Variants in OR4K2 observed in about 807,000 individuals in gnomAD.
OR4K2 encodes olfactory receptor 4K2.
In OR4K2, 8 loss-of-function variants were observed where a neutral mutation model predicts 10.5. The observed-to-expected ratio is 0.76, with a 90% confidence interval of 0.45 to 1.37. The LOEUF is 1.37. OR4K2 is among the 40% of genes most tolerant of loss of function. The pLI is 0.00. For missense variants in OR4K2, 547 were observed against 379.5 expected, an observed-to-expected ratio of 1.44 and a Z score of -3.67; for synonymous variants, 178 against 133.6, an observed-to-expected ratio of 1.33 and a Z score of -2.29.
chr14:19,883,487 C>G lies in OR4K2; in HGVS notation c.*6275C>G, dbSNP rs1037750741. 5.9e-5 allele frequency: 9 copies of G among 152,234 alleles called. No individual in the cohort carries two copies. The highest frequency in any genetic ancestry group is 2.2e-4 in the African/African-American group (9 of 41,448). The allele number at this position is 152,234 out of a possible 1,614,324, so 9.4% of individuals were successfully genotyped here. ...GAAATAATGACTCTCTTTGTAAGCA[C>G]TTTGTCTGGAGTCTGCAAAGCCTGT... On this transcript the variant is annotated 3_prime_UTR_variant, in exon 2 of 2. Coordinates refer to ENST00000641885, the MANE Select transcript of OR4K2 (RefSeq NM_001005501.2).
Position 19,877,148 on chromosome 14 carries a change from T to C in OR4K2, c.881T>C (p.Val294Ala). The change falls in exon 2 of 2, where the codon GTA (valine) becomes GCA (alanine). Residue 294 changes from valine (V) to alanine (A), a missense_variant. Physicochemically the swap from Val to Ala is moderately conservative, Grantham distance 64 (BLOSUM62 0). Transcript: ENST00000641885. ...PIIYTLRNQEVKIAMRKLKNR... is the reference protein window; with the variant it reads ...PIIYTLRNQEAKIAMRKLKNR... ...ATCTATACTTTGAGGAATCAAGAAG[T>C]AAAGATAGCCATGAGGAAACTGAAA... 5 of 1,603,538 alleles carry C rather than the reference T, an allele frequency of 3.1e-6. No individual in the cohort carries two copies. Among genetic ancestry groups the C allele is most frequent in the Non-Finnish European group, 4.2e-6 (5 of 1,179,598 alleles).
chr14:19,878,139 G>C lies in OR4K2; in HGVS notation c.*927G>C, dbSNP rs1399247752. 4 of 152,194 alleles carry C rather than the reference G, an allele frequency of 2.6e-5. No individual in the cohort carries two copies. The highest frequency in any genetic ancestry group is 7.2e-5 in the African/African-American group (3 of 41,458). The allele number at this position is 152,194 out of a possible 1,614,324, so 9.4% of individuals were successfully genotyped here. On this transcript the variant is annotated 3_prime_UTR_variant, in exon 2 of 2. Transcript: ENST00000641885. ...AATACATTGTCAATGTAATAAGTAT[G>C]TTTTTGTACACAAATAGGTTTTATT...
rs958172857 is a variant in OR4K2 at position 19,878,833 on chromosome 14, A to G, written c.*1621A>G. 3.3e-5 allele frequency: 5 copies of G among 152,242 alleles called. No individual in the cohort carries two copies. Among genetic ancestry groups the G allele is most frequent in the Non-Finnish European group, 5.9e-5 (4 of 68,034 alleles). The allele number at this position is 152,242 out of a possible 1,614,324, so 9.4% of individuals were successfully genotyped here. ...TGTGAACTTTCTCTTGGTTGCAGTTATATGTACAAATATGTTCATATTCAA... is the reference window on the plus strand; with the variant it reads ...TGTGAACTTTCTCTTGGTTGCAGTTGTATGTACAAATATGTTCATATTCAA... On this transcript the variant is annotated 3_prime_UTR_variant, in exon 2 of 2. Coordinates refer to ENST00000641885, the MANE Select transcript of OR4K2 (RefSeq NM_001005501.2).
rs1011186843 is a variant in OR4K2 at position 19,883,741 on chromosome 14, C to T, written c.*6529C>T. 2.6e-5 allele frequency: 4 copies of T among 152,178 alleles called. No homozygotes were observed. Among genetic ancestry groups the T allele is most frequent in the African/African-American group, 9.6e-5 (4 of 41,454 alleles). The allele number at this position is 152,178 out of a possible 1,614,324, so 9.4% of individuals were successfully genotyped here. The stretch of plus-strand genomic sequence containing the variant: ...TAAAATGTACCTAAATAAAATTGTT[C>T]TTCAAGAGTAACATGTAATTGAATC... On this transcript the variant is annotated 3_prime_UTR_variant, in exon 2 of 2. Coordinates refer to ENST00000641885, the MANE Select transcript of OR4K2 (RefSeq NM_001005501.2).
rs985391403 is a variant in OR4K2 at position 19,883,348 on chromosome 14, A to C, written c.*6136A>C. ...TTATTCTCTACTATATTCCTCAGGA[A>C]GTCTTCTTGAAGACCCTATTCTCTG... is the stretch of plus-strand genomic sequence containing the variant. On this transcript the variant is annotated 3_prime_UTR_variant, in exon 2 of 2. Coordinates refer to ENST00000641885, the MANE Select transcript of OR4K2 (RefSeq NM_001005501.2). The C allele has an allele frequency of 6.6e-6, 1 of 152,302 alleles. No individual in the cohort carries two copies. The highest frequency in any genetic ancestry group is 2.4e-5 in the African/African-American group (1 of 41,474). 9.4% of individuals were successfully genotyped at this position (152,302 alleles called of 1,614,324 possible). A position where few individuals can be genotyped will look rare whatever the true frequency, so the allele number is the denominator to read the frequency against.
At position 19,876,835 on chromosome 14, in the gene OR4K2, G is replaced by A; in HGVS notation, c.568G>A (p.Val190Met). The change falls in exon 2 of 2, where the codon GTG becomes ATG. Residue 190 changes from valine to methionine, a missense_variant. Coordinates refer to ENST00000641885, the MANE Select transcript of OR4K2 (RefSeq NM_001005501.2). ...TCCTGTGGTGTTCCAGTTGGCTTGT[G>A]TGGATACTTATGTTCTGGGCCTCTT... is the stretch of plus-strand genomic sequence containing the variant. The part of the protein sequence containing the change: ...DLPVVFQLAC[V>M]DTYVLGLFMI... 1.9e-6 allele frequency: 3 copies of A among 1,614,190 alleles called. No individual in the cohort carries two copies. The highest frequency in any genetic ancestry group is 2.2e-5 in the South Asian group (2 of 91,080).
Position 19,876,353 on chromosome 14 carries a change from T to C in OR4K2, c.86T>C (p.Met29Thr), listed in dbSNP as rs1047892238. 11 of 1,614,004 alleles carry C rather than the reference T, an allele frequency of 6.8e-6. No homozygotes were observed. Among genetic ancestry groups the C allele is most frequent in the Non-Finnish European group, 7.6e-6 (9 of 1,179,986 alleles). ...TGGGAACTACAGATGTTTTTCTTTA[T>C]GGTGTTTTCATTGCTTTATGTGGCA... is the stretch of plus-strand genomic sequence containing the variant. ...NSWELQMFFF[M>T]VFSLLYVATM... The change falls in exon 2 of 2, where the codon ATG becomes ACG. Residue 29 changes from methionine (M) to threonine (T), a missense_variant. By Grantham distance (81) the Met-to-Thr change is moderately conservative. Transcript: ENST00000641885.
In OR4K2 at chr14:19,881,817, G is replaced by A. The variant is rs1431687358; in HGVS notation, c.*4605G>A. The A allele has an allele frequency of 6.6e-6, 1 of 151,434 alleles. No homozygotes were observed. The highest frequency in any genetic ancestry group is 1.9e-4 in the East Asian group (1 of 5,184). 9.4% of individuals were successfully genotyped at this position (151,434 alleles called of 1,614,324 possible). On this transcript the variant is annotated 3_prime_UTR_variant, in exon 2 of 2. Transcript: ENST00000641885. ...CCTGTTAAAGAAAATTTAAAGGAGA[G>A]ATTTTTTTTTTTAGTTTGAGACTAG...
In OR4K2 at chr14:19,880,298, C is replaced by G. The variant is rs1323259670; in HGVS notation, c.*3086C>G. ...CTACTACTAGTGGTGTAAACTTAAG[C>G]TAAGTACTTAATACCTCTTAGCCTC... is the stretch of plus-strand genomic sequence containing the variant. On this transcript the variant is annotated 3_prime_UTR_variant, in exon 2 of 2. Transcript: ENST00000641885. 1 of 151,986 alleles carries G rather than the reference C, an allele frequency of 6.6e-6. No individual in the cohort carries two copies. Among genetic ancestry groups the G allele is most frequent in the African/African-American group, 2.4e-5 (1 of 41,334 alleles). 9.4% of individuals were successfully genotyped at this position (151,986 alleles called of 1,614,324 possible).
rs201801295 is a variant in OR4K2 at position 19,877,204 on chromosome 14, C to T, written c.937C>T (p.Pro313Ser). 37 of 1,570,354 alleles carry T rather than the reference C, an allele frequency of 2.4e-5. No individual in the cohort carries two copies. The highest frequency in any genetic ancestry group is 4.5e-5 in the South Asian group (4 of 89,068). Residue 313 changes from proline to serine, a missense_variant, in exon 2 of 2, where the codon CCT becomes TCT. Transcript: ENST00000641885. ...NRFLNFNKAM[P>S]S ...GTTTCTAAATTTTAATAAGGCAATG[C>T]CTTCATAGTTTTTGTGACACAGAAC... is the stretch of plus-strand genomic sequence containing the variant.
chr14:19,878,595 G>T lies in OR4K2; in HGVS notation c.*1383G>T, dbSNP rs1880967791. ...GAATTTATTTTTTCTTCATCAGTTT[G>T]TGTTTTATTTCTTCATTAATGTACT... On this transcript the variant is annotated 3_prime_UTR_variant, in exon 2 of 2. Transcript: ENST00000641885. 6.6e-6 allele frequency: 1 copy of T among 152,140 alleles called. No individual in the cohort carries two copies. The highest frequency in any genetic ancestry group is 6.5e-5 in the Admixed American group (1 of 15,268). The allele number at this position is 152,140 out of a possible 1,614,324, so 9.4% of individuals were successfully genotyped here.
chr14:19,876,336 A>G lies in OR4K2; in HGVS notation c.69A>G (p.Leu23=), dbSNP rs746128802. The change falls in exon 2 of 2, where the codon CTA becomes CTG. Residue 23 remains leucine (L), a synonymous_variant. Transcript: ENST00000641885. ...TGGGGCTCTCTAATTCCTGGGAACT[A>G]CAGATGTTTTTCTTTATGGTGTTTT... ...VLLGLSNSWE[L]QMFFFMVFSL... is the part of the protein sequence containing the mutation. 9 of 1,613,498 alleles carry G rather than the reference A, an allele frequency of 5.6e-6. No individual in the cohort carries two copies. Among genetic ancestry groups the G allele is most frequent in the African/African-American group, 1.3e-5 (1 of 74,726 alleles).
chr14:19,875,817 TG>T lies in OR4K2; in HGVS notation c.-340del. Reference sequence around the variant, plus strand: ...CCTTATATGTGATATAATTTTTATATGTTTTCATCAGTAAGGATATCTTTAT... The same window carrying T: ...CCTTATATGTGATATAATTTTTATATTTTTCATCAGTAAGGATATCTTTAT... On this transcript the variant is annotated 5_prime_UTR_variant, in exon 1 of 2. An upstream start codon of the reference 5' UTR is lost. Transcript: ENST00000641885. The T allele has an allele frequency of 6.3e-6, 1 of 159,420 alleles. No individual in the cohort carries two copies. The highest frequency in any genetic ancestry group is 1.9e-4 in the South Asian group (1 of 5,324). 9.9% of individuals were successfully genotyped at this position (159,420 alleles called of 1,614,324 possible). A position where few individuals can be genotyped will look rare whatever the true frequency, so the allele number is the denominator to read the frequency against.
At position 19,881,118 on chromosome 14, in the gene OR4K2, C is replaced by T. The variant is rs1361456714; in HGVS notation, c.*3906C>T. ...AATTTGTTGAGAGAGTTGGAGTAAT[C>T]CTCCTATTTCCCTATTCTTTCCCTG... On this transcript the variant is annotated 3_prime_UTR_variant, in exon 2 of 2. Coordinates refer to ENST00000641885, the MANE Select transcript of OR4K2 (RefSeq NM_001005501.2). 1.3e-5 allele frequency: 2 copies of T among 152,198 alleles called. No homozygotes were observed. The highest frequency in any genetic ancestry group is 2.9e-5 in the Non-Finnish European group (2 of 68,036). 9.4% of individuals were successfully genotyped at this position (152,198 alleles called of 1,614,324 possible). A position where few individuals can be genotyped will look rare whatever the true frequency, so the allele number is the denominator to read the frequency against.
At position 19,877,221 on chromosome 14, in the gene OR4K2, A is replaced by T. The variant is rs769813034; in HGVS notation, c.*9A>T. 1.4e-5 allele frequency: 21 copies of T among 1,522,664 alleles called. No homozygotes were observed. The highest frequency in any genetic ancestry group is 1.9e-5 in the Non-Finnish European group (21 of 1,118,754). The allele number at this position is 1,522,664 out of a possible 1,614,324, so 94.3% of individuals were successfully genotyped here. A position where few individuals can be genotyped will look rare whatever the true frequency, so the allele number is the denominator to read the frequency against. On this transcript the variant is annotated 3_prime_UTR_variant, in exon 2 of 2. Coordinates refer to ENST00000641885, the MANE Select transcript of OR4K2 (RefSeq NM_001005501.2). ...AGGCAATGCCTTCATAGTTTTTGTG[A>T]CACAGAACATTAGACACAATGCTGT...
Position 19,880,811 on chromosome 14 carries a change from A to G in OR4K2, c.*3599A>G. ...TACAATTGTTGTCAGAATAAGAATG[A>G]TGTTTGACTCATATTATTAAGGTGA... On this transcript the variant is annotated 3_prime_UTR_variant, in exon 2 of 2. Coordinates refer to ENST00000641885, the MANE Select transcript of OR4K2 (RefSeq NM_001005501.2). The G allele has an allele frequency of 6.6e-6, 1 of 152,230 alleles. No individual in the cohort carries two copies. The highest frequency in any genetic ancestry group is 1.9e-4 in the East Asian group (1 of 5,202). 9.4% of individuals were successfully genotyped at this position (152,230 alleles called of 1,614,324 possible).
Position 19,876,416 on chromosome 14 carries a change from T to C in OR4K2, c.149T>C (p.Ile50Thr), listed in dbSNP as rs1366210614. Residue 50 changes from isoleucine (I) to threonine (T), a missense_variant, in exon 2 of 2, where the codon ATA (isoleucine) becomes ACA (threonine). Coordinates refer to ENST00000641885, the MANE Select transcript of OR4K2 (RefSeq NM_001005501.2). ...AACAGCCTCATAGTCATCACAGTTA[T>C]AGTGGACCCTCACCTACACTCTCCT... Reference protein sequence around the residue: ...VGNSLIVITVIVDPHLHSPMY... With the variant: ...VGNSLIVITVTVDPHLHSPMY... The C allele has an allele frequency of 6.2e-6, 10 of 1,614,134 alleles. No homozygotes were observed. Among genetic ancestry groups the C allele is most frequent in the Admixed American group, 3.3e-5 (2 of 60,026 alleles).
rs1880947966 is a variant in OR4K2 at position 19,877,805 on chromosome 14, C to T, written c.*593C>T. 6.6e-6 allele frequency: 1 copy of T among 152,638 alleles called. No homozygotes were observed. The highest frequency in any genetic ancestry group is 2.4e-5 in the African/African-American group (1 of 41,470). The allele number at this position is 152,638 out of a possible 1,614,324, so 9.5% of individuals were successfully genotyped here. A position where few individuals can be genotyped will look rare whatever the true frequency, so the allele number is the denominator to read the frequency against. On this transcript the variant is annotated 3_prime_UTR_variant, in exon 2 of 2. Coordinates refer to ENST00000641885, the MANE Select transcript of OR4K2 (RefSeq NM_001005501.2). ...TAAGTGTAGCAATCTTTACCAACCACTTTTAGTTCATCATCAAAGCAATAC... is the reference window on the plus strand; with the variant it reads ...TAAGTGTAGCAATCTTTACCAACCATTTTTAGTTCATCATCAAAGCAATAC...
chr14:19,877,486 G>A lies in OR4K2; in HGVS notation c.*274G>A, dbSNP rs1880938943. On this transcript the variant is annotated 3_prime_UTR_variant, in exon 2 of 2. Transcript: ENST00000641885. The stretch of plus-strand genomic sequence containing the variant: ...ATTGGAAAAGAGGACCAAGGAATGA[G>A]GAGAAGAAATATAGATTAAAGCAGA... The A allele has an allele frequency of 3.0e-6, 1 of 335,254 alleles. No homozygotes were observed. The highest frequency in any genetic ancestry group is 5.6e-6 in the Non-Finnish European group (1 of 179,618). 20.8% of individuals were successfully genotyped at this position (335,254 alleles called of 1,614,324 possible). A position where few individuals can be genotyped will look rare whatever the true frequency, so the allele number is the denominator to read the frequency against.
Sources: gnomAD v4.1 joint callset for allele counts on GRCh38, gnomAD v4.1.1 for gene constraint, MANE v1.5 for transcripts, NCBI Gene and HGNC (gene_info 2026-07-23, HGNC 2026-07-21) for gene names.